The following AFG2A variants were observed in gnomAD, a reference collection of about 807,000 sequenced individuals.
The protein encoded by AFG2A is ATPase family gene 2 protein homolog A.
At chr4:122,993,111 A>T in the AFG2A span, among the ~76,000 whole-genome samples, 2 of 151,552 alleles carry the variant, frequency 1.3e-5, no homozygotes. Context: ...TCAGCCTCCC[A>T]AGTAGCTTAG....
the AFG2A span, among the ~76,000 whole-genome samples, chr4:123,297,536 G>C: frequency 6.6e-6 from 1 of 152,120 alleles, no homozygotes; most frequent in Middle Eastern, 3.4e-3. Flanking sequence ...CCTGGCTAAC[G>C]GTGAAAGCCT....
chr4:122,942,576 A>G, the AFG2A span, among the ~76,000 whole-genome samples: 4 of 150,526 alleles, frequency 2.7e-5, no homozygotes, highest in Non-Finnish European at 5.9e-5. Context: ...CATCCTTCCA[A>G]AAAACCAGCT....
chr4:123,048,434 T>C, the AFG2A span, among the ~76,000 whole-genome samples: 1 of 152,230 alleles, frequency 6.6e-6, no homozygotes, highest in African/African-American at 2.4e-5. Flanking sequence ...GAGTTAAATC[T>C]GTAGATTGCT....
the AFG2A span, among the ~76,000 whole-genome samples, chr4:123,062,403 A>G: frequency 1.3e-5 from 2 of 152,208 alleles, no homozygotes; most frequent in Non-Finnish European, 2.9e-5. Flanking sequence ...TTTAAACATC[A>G]TATTACCAGC....
the AFG2A span, among the ~76,000 whole-genome samples, chr4:123,074,205 C>T: frequency 2.7e-5 from 4 of 149,730 alleles, no homozygotes; most frequent in African/African-American, 9.8e-5. Context: ...GCAATTCACC[C>T]TGCCTCTGCC....
chr4:123,048,925 A>G, the AFG2A span, among the ~76,000 whole-genome samples: 1 of 152,126 alleles, frequency 6.6e-6, no homozygotes, highest in Non-Finnish European at 1.5e-5. Flanking sequence ...GAAAGTGGAC[A>G]TCTTTGCTTT....
the AFG2A span, among the ~76,000 whole-genome samples, chr4:123,010,774 T>C: frequency 6.6e-6 from 1 of 152,224 alleles, no homozygotes; most frequent in African/African-American, 2.4e-5. Context: ...ACCTATCTCA[T>C]TGAACTCGCT....
the AFG2A span, among the ~76,000 whole-genome samples, chr4:123,243,692 C>T: frequency 6.6e-6 from 1 of 151,826 alleles, no homozygotes; most frequent in South Asian, 2.1e-4. Context: ...CTCATGTATA[C>T]CTATGTAATA....
the AFG2A span, among the ~76,000 whole-genome samples, chr4:123,202,949 G>A: frequency 6.6e-6 from 1 of 152,042 alleles, no homozygotes; most frequent in Middle Eastern, 3.2e-3. Flanking sequence ...CTTGAGCCTA[G>A]GGGTTCGAGG....
At chr4:123,193,917 G>C in the AFG2A span, among the ~76,000 whole-genome samples, 9 of 152,108 alleles carry the variant, frequency 5.9e-5, no homozygotes, top group Non-Finnish European at 1.3e-4. Context: ...AGACAAGAGG[G>C]CTTTAAAATG....
the AFG2A span, among the ~76,000 whole-genome samples, chr4:123,182,460 C>G: frequency 6.6e-6 from 1 of 152,166 alleles, no homozygotes; most frequent in Non-Finnish European, 1.5e-5. Flanking sequence ...TAATGAAGCT[C>G]TTAACATAGT....
chr4:123,308,732 A>G, the AFG2A span, among the ~76,000 whole-genome samples: 2 of 152,228 alleles, frequency 1.3e-5, no homozygotes, highest in African/African-American at 2.4e-5. Context: ...GTAACTAAAA[A>G]TACTATAGAT....
chr4:122,938,202 A>C, the AFG2A span: 1 of 1,610,848 alleles, frequency 6.2e-7, no homozygotes. Flanking sequence ...TGAAGTGGAA[A>C]AAAGAGTTGT....
chr4:123,127,348 A>G, the AFG2A span, among the ~76,000 whole-genome samples: 3 of 152,192 alleles, frequency 2.0e-5, no homozygotes, highest in Non-Finnish European at 4.4e-5. Flanking sequence ...CAGTTTTTAT[A>G]GTTGTAAAAA....
the AFG2A span, among the ~76,000 whole-genome samples, chr4:122,978,975 G>A: frequency 1.3e-5 from 2 of 152,174 alleles, no homozygotes; most frequent in African/African-American, 4.8e-5. Context: ...GGGATACCTG[G>A]GTCCACAGCC....
chr4:123,103,527 C>T, the AFG2A span, among the ~76,000 whole-genome samples: 1 of 152,000 alleles, frequency 6.6e-6, no homozygotes, highest in Non-Finnish European at 1.5e-5. Flanking sequence ...AAAATTATGA[C>T]GTATCATCAG....
the AFG2A span, among the ~76,000 whole-genome samples, chr4:123,158,881 A>G: frequency 4.6e-5 from 7 of 152,314 alleles, no homozygotes; most frequent in Admixed American, 1.3e-4. Flanking sequence ...TAAAATTACA[A>G]TGGTCTCCTA....
chr4:123,242,974 C>T, the AFG2A span, among the ~76,000 whole-genome samples: 1 of 152,304 alleles, frequency 6.6e-6, no homozygotes, highest in Non-Finnish European at 1.5e-5. Flanking sequence ...GACATTTATG[C>T]AGCCAACAGA....
the AFG2A span, among the ~76,000 whole-genome samples, chr4:122,991,134 A>G: frequency 6.6e-6 from 1 of 152,204 alleles, no homozygotes; most frequent in Non-Finnish European, 1.5e-5. Flanking sequence ...AATGACCACA[A>G]GTTCTTTCCA....
Sources: gnomAD v4.1 joint callset for allele counts (sites outside exome capture counted in the v4.1 genomes callset) on GRCh38, gnomAD v4.1.1 for gene constraint, MANE v1.5 for transcripts, NCBI Gene and HGNC (gene_info 2026-07-23, HGNC 2026-07-21) for gene names.